VTA1: variants seen among roughly 807,000 people sequenced by gnomAD.
VTA1 encodes the protein vacuolar protein sorting-associated protein VTA1 homolog.
VTA1 carries 24 observed loss-of-function variants against 36.9 expected under a neutral mutation model. The ratio of observed to expected loss-of-function variants is 0.65; its 90% CI spans 0.47 to 0.91. The LOEUF (loss-of-function observed/expected upper bound fraction) is 0.91. Ranked by LOEUF, VTA1 falls within the 40% of genes least tolerant of loss-of-function variation. The probability of loss-of-function intolerance (pLI) is 0.00; values close to 1 mark genes in which losing one functional copy is unlikely to be tolerated. For missense variants in VTA1, 393 were observed against 377.2 expected (o/e 1.04, Z -0.35); for synonymous variants, 142 against 130.2 (o/e 1.09, Z -0.62).
At chr6:142,160,798 G>A (rs1355697584) in intron 1 of VTA1, among the ~76,000 whole-genome samples, 2 of 152,090 alleles carry the variant, frequency 1.3e-5, no homozygotes, top group Non-Finnish European at 2.9e-5. Flanking sequence ...AGTAGAATCT[G>A]TGTTCTCATT....
At chr6:142,216,331 A>T (rs1348983264) in intron 7 of VTA1, among the ~76,000 whole-genome samples, 1 of 152,160 alleles carries the variant, frequency 6.6e-6, no homozygotes, top group Non-Finnish European at 1.5e-5. Context: ...CAGTTTAAGA[A>T]TTTAATTCAT....
At chr6:142,206,147 G>A (rs1042484072) in intron 7 of VTA1, among the ~76,000 whole-genome samples, 2 of 152,134 alleles carry the variant, frequency 1.3e-5, no homozygotes, top group African/African-American at 4.8e-5. Flanking sequence ...TGACATGATG[G>A]TCTGTAGAAA....
At chr6:142,166,596 A>G (rs1321569864) in intron 2 of VTA1, among the ~76,000 whole-genome samples, 1 of 151,012 alleles carries the variant, frequency 6.6e-6, no homozygotes, top group African/African-American at 2.4e-5. Context: ...TCCTCCTTTT[A>G]TAGGTGAAAA....
At chr6:142,205,817 C>T (rs1205596476) in intron 7 of VTA1, among the ~76,000 whole-genome samples, 1 of 151,920 alleles carries the variant, frequency 6.6e-6, no homozygotes, top group Admixed American at 6.6e-5. Flanking sequence ...AAAAAGTGAA[C>T]TAAAACATCT....
chr6:142,153,955 A>G (rs1031233742), intron 1 of VTA1, among the ~76,000 whole-genome samples: 5 of 152,124 alleles, frequency 3.3e-5, no homozygotes, highest in Non-Finnish European at 7.4e-5. Flanking sequence ...ATAATGTACC[A>G]TAACCAGAAT....
At chr6:142,165,172 CAG>C (rs967405967) in intron 1 of VTA1, among the ~76,000 whole-genome samples, 26 of 152,224 alleles carry the variant, frequency 1.7e-4, no homozygotes, top group Admixed American at 7.2e-4. Flanking sequence ...TAAAATCAAA[CAG>C]AGTGTTTTTA....
chr6:142,199,685 C>T (rs950093278), intron 6 of VTA1, among the ~76,000 whole-genome samples: 2 of 152,034 alleles, frequency 1.3e-5, no homozygotes, highest in East Asian at 1.9e-4. Flanking sequence ...TTAAAACTTA[C>T]AAGTTTATAT....
intron 1 of VTA1, 38 bp downstream of exon 1, chr6:142,147,437 G>T: frequency 6.3e-7 from 1 of 1,593,430 alleles, no homozygotes; most frequent in Non-Finnish European, 8.6e-7. Context: ...TTCTTTCCCA[G>T]TTGCATTTTA....
intron 4 of VTA1, among the ~76,000 whole-genome samples, chr6:142,182,356 G>A (rs552714927): frequency 2.6e-4 from 39 of 152,262 alleles, no homozygotes; most frequent in African/African-American, 8.7e-4. Flanking sequence ...GTGGTGGGGG[G>A]AGGATTCAAA....
At chr6:142,162,580 C>T (rs918685692) in intron 1 of VTA1, among the ~76,000 whole-genome samples, 3 of 152,118 alleles carry the variant, frequency 2.0e-5, no homozygotes, top group Admixed American at 6.6e-5. Flanking sequence ...AAGCAAGTAT[C>T]AAGCCCATTT....
At position 142,223,897 on chromosome 6, in the gene VTA1, A is replaced by T. The variant is rs1031262407; in HGVS notation, c.*5254A>T. On this transcript the variant is annotated 3_prime_UTR_variant, in exon 8 of 8. Coordinates refer to ENST00000367630, the MANE Select transcript of VTA1 (RefSeq NM_016485.5). ...ACACCATGGAGGAACAAATGTGGGCAATTCAGGTAACTCGAGTAATTTAGT... is the reference window on the plus strand; with the variant it reads ...ACACCATGGAGGAACAAATGTGGGCTATTCAGGTAACTCGAGTAATTTAGT... The T allele has an allele frequency of 6.6e-6, 1 of 152,134 alleles. No homozygotes were observed. The highest frequency in any genetic ancestry group is 1.5e-5 in the Non-Finnish European group (1 of 68,068). The allele number at this position is 152,134 out of a possible 1,614,324, so 9.4% of individuals were successfully genotyped here. A position where few individuals can be genotyped will look rare whatever the true frequency, so the allele number is the denominator to read the frequency against.
intron 5 of VTA1, among the ~76,000 whole-genome samples, chr6:142,191,988 G>T (rs905129371): frequency 1.3e-5 from 2 of 151,928 alleles, no homozygotes; most frequent in African/African-American, 2.4e-5. Flanking sequence ...TAAAACCGTA[G>T]AAAATAATAG....
intron 1 of VTA1, among the ~76,000 whole-genome samples, chr6:142,152,830 CTT>C (rs879438817): frequency 2.0e-4 from 31 of 151,930 alleles, no homozygotes; most frequent in African/African-American, 7.0e-4. Context: ...AGCAGGGAAA[CTT>C]TTTTTTGTGA....
rs1775382178 is a variant in VTA1, at chr6:142,188,206, G to T, written c.412-1220G>T. On this transcript the variant is annotated intron_variant, in intron 4 of 7. Transcript: ENST00000367630. ...TTACAGGCATGAGCCACTGTGCCTA[G>T]CCCTCTATTTCTTTATTTCTTTTTT... Among the ~76,000 whole-genome samples, 3 of 137,504 alleles carry T rather than the reference G, an allele frequency of 2.2e-5. No individual in the cohort carries two copies. In the Admixed American group the frequency reaches 2.2e-4, roughly 10 times the overall value. The allele number at this position is 137,504 out of a possible 152,430, so 90.2% of individuals were successfully genotyped here.
intron 4 of VTA1, among the ~76,000 whole-genome samples, chr6:142,179,781 A>C (rs1775192824): frequency 6.6e-6 from 1 of 152,198 alleles, no homozygotes; most frequent in South Asian, 2.1e-4. Flanking sequence ...GTTTTACTGC[A>C]GAAGTTGAAT....
intron 4 of VTA1, among the ~76,000 whole-genome samples, chr6:142,188,745 A>G (rs1056901007): frequency 3.0e-5 from 3 of 99,952 alleles, no homozygotes; most frequent in African/African-American, 7.4e-5. Flanking sequence ...AGAGATTTTT[A>G]TATTTTTAAT....
At chr6:142,198,274 TA>T (rs763054430) in intron 5 of VTA1, among the ~76,000 whole-genome samples, 164 bp from the exon 6 acceptor site, 2 of 151,686 alleles carry the variant, frequency 1.3e-5, no homozygotes, top group Admixed American at 6.6e-5. Context: ...TTTAAGAAAA[TA>T]AAAAAATTAA....
chr6:142,179,861 A>G (rs1479923825), intron 4 of VTA1, among the ~76,000 whole-genome samples: 2 of 152,154 alleles, frequency 1.3e-5, no homozygotes, highest in East Asian at 1.9e-4. Flanking sequence ...TGCTTATTCT[A>G]TATTCTAAGA....
chr6:142,199,026 T>C (rs1252437132), intron 6 of VTA1, among the ~76,000 whole-genome samples: 1 of 152,140 alleles, frequency 6.6e-6, no homozygotes, highest in Non-Finnish European at 1.5e-5. Flanking sequence ...TTCATTCCCT[T>C]GGGACTATGC....
Sources: gnomAD v4.1 joint callset for allele counts (sites outside exome capture counted in the v4.1 genomes callset) on GRCh38, gnomAD v4.1.1 for gene constraint, MANE v1.5 for transcripts, NCBI Gene and HGNC (gene_info 2026-07-23, HGNC 2026-07-21) for gene names.